NTM: variants seen among roughly 807,000 people sequenced by gnomAD.
NTM encodes neurotrimin, also known as IgLON family member 2.
A neutral mutation model predicts 42.1 loss-of-function variants in NTM; 13 were observed. That is an observed-to-expected ratio of 0.31 (90% CI 0.20 to 0.49). NTM has a LOEUF of 0.49. Ranked by LOEUF, NTM falls within the 20% of genes least tolerant of loss-of-function variation. The pLI is 0.99. For synonymous variants in NTM, 187 were observed against 179.2 expected, an observed-to-expected ratio of 1.04 and a Z score of -0.35; for missense variants, 373 against 452.8, an observed-to-expected ratio of 0.82 and a Z score of 1.60.
intron 1 of NTM, among the ~76,000 whole-genome samples, chr11:131,503,979 G>A (rs1291534760): frequency 6.6e-6 from 1 of 152,150 alleles, no homozygotes; most frequent in Non-Finnish European, 1.5e-5. Context: ...TTAAGGCCAG[G>A]CGGGTCAGAG....
intron 3 of NTM, among the ~76,000 whole-genome samples, chr11:132,211,318 T>G (rs2082794952): frequency 6.6e-6 from 1 of 152,188 alleles, no homozygotes; most frequent in South Asian, 2.1e-4. Context: ...TGGGATTGTT[T>G]GAGCATGGGA....
chr11:132,334,675 C>T (rs2095855579), intron 8 of NTM, among the ~76,000 whole-genome samples: 1 of 152,064 alleles, frequency 6.6e-6, no homozygotes, highest in African/African-American at 2.4e-5. Context: ...TGATGAGGCA[C>T]TCAGCACAGT....
rs1222872512 is a variant in NTM at position 132,336,079 on chromosome 11, A to G, written c.*933A>G. On this transcript the variant is annotated 3_prime_UTR_variant, in exon 9 of 9. Transcript: ENST00000683400. ...TCTGACATCTCTTGCAGACAATACT[A>G]TGCTCTCTACACACTGTTTAGAAAT... is the stretch of plus-strand genomic sequence containing the variant. 1.3e-5 allele frequency: 2 copies of G among 152,506 alleles called. No homozygotes were observed. The highest frequency in any genetic ancestry group is 1.9e-4 in the East Asian group (1 of 5,194). The allele number at this position is 152,506 out of a possible 1,614,324, so 9.4% of individuals were successfully genotyped here. A position where few individuals can be genotyped will look rare whatever the true frequency, so the allele number is the denominator to read the frequency against.
intron 2 of NTM, among the ~76,000 whole-genome samples, chr11:132,079,119 A>G (rs191068236): frequency 6.6e-6 from 1 of 152,312 alleles, no homozygotes; most frequent in African/African-American, 2.4e-5. Flanking sequence ...CAGAACCAGC[A>G]AACCTTAGAC....
intron 1 of NTM, among the ~76,000 whole-genome samples, chr11:131,843,872 T>A (rs770868227): frequency 3.3e-5 from 5 of 151,958 alleles, no homozygotes; most frequent in Admixed American, 6.6e-5. Context: ...GTTTCTCTTA[T>A]TGGTTGGTTG....
chr11:131,912,181 G>A (rs561490837), intron 2 of NTM, among the ~76,000 whole-genome samples: 5 of 152,302 alleles, frequency 3.3e-5, no homozygotes, highest in Admixed American at 2.0e-4. Flanking sequence ...CCTTCATGCC[G>A]TGAGCTGGTG....
chr11:131,916,057 G>T (rs2056300733), intron 2 of NTM, among the ~76,000 whole-genome samples: 1 of 152,190 alleles, frequency 6.6e-6, no homozygotes, highest in Admixed American at 6.5e-5. Flanking sequence ...GGACAAAGAG[G>T]TCATGGACCT....
chr11:131,942,951 A>C (rs1158598140), intron 2 of NTM, among the ~76,000 whole-genome samples: 1 of 145,398 alleles, frequency 6.9e-6, no homozygotes, highest in Non-Finnish European at 1.5e-5. Context: ...GTCTCAAAAA[A>C]AAAAAAAAAT....
chr11:131,849,712 A>C (rs2045300466), intron 1 of NTM, among the ~76,000 whole-genome samples: 1 of 151,632 alleles, frequency 6.6e-6, no homozygotes, highest in Non-Finnish European at 1.5e-5. Context: ...ATTATTGTGC[A>C]ACATTTCAGA....
intron 4 of NTM, among the ~76,000 whole-genome samples, chr11:132,258,621 G>A (rs192983089): frequency 1.3e-5 from 2 of 152,170 alleles, no homozygotes; most frequent in Non-Finnish European, 1.5e-5. Flanking sequence ...TATAACTTTA[G>A]CCGTCTTTTG....
At chr11:131,520,191 G>C (rs1211649965) in intron 1 of NTM, among the ~76,000 whole-genome samples, 2 of 152,060 alleles carry the variant, frequency 1.3e-5, no homozygotes, top group East Asian at 3.9e-4. Context: ...GGCAAAGAAG[G>C]GACTTCCAAA....
chr11:131,931,056 G>A (rs552914785), intron 2 of NTM, among the ~76,000 whole-genome samples: 6 of 152,260 alleles, frequency 3.9e-5, no homozygotes, highest in Non-Finnish European at 5.9e-5. Flanking sequence ...CTGCGTAGTG[G>A]AATTGCGAGT....
chr11:132,212,210 A>C (rs1298618739), intron 4 of NTM, 63 bp downstream of exon 4: 1 of 1,441,434 alleles, frequency 6.9e-7, no homozygotes, highest in Non-Finnish European at 9.6e-7. Flanking sequence ...GGCCTTTGGT[A>C]GGAGGTTATG....
chr11:131,439,263 A>T (rs1949403719), intron 1 of NTM, among the ~76,000 whole-genome samples: 2 of 152,198 alleles, frequency 1.3e-5, no homozygotes, highest in Admixed American at 1.3e-4. Flanking sequence ...CTCGGGGGTC[A>T]GGGACTCACT....
At chr11:132,330,671 A>G (rs1463730195) in intron 8 of NTM, among the ~76,000 whole-genome samples, 1 of 152,158 alleles carries the variant, frequency 6.6e-6, no homozygotes, top group Non-Finnish European at 1.5e-5. Context: ...AATAAAATGC[A>G]TCTTATTTGA....
At chr11:131,634,440 A>G (rs2064114065) in intron 1 of NTM, among the ~76,000 whole-genome samples, 2 of 152,092 alleles carry the variant, frequency 1.3e-5, no homozygotes, top group South Asian at 2.1e-4. Flanking sequence ...GTCTCTCTGC[A>G]TAATACAGTA....
At chr11:132,029,949 T>C (rs1593906020) in intron 2 of NTM, among the ~76,000 whole-genome samples, 3 of 152,340 alleles carry the variant, frequency 2.0e-5, no homozygotes, top group Non-Finnish European at 4.4e-5. Flanking sequence ...ATTTGTCATA[T>C]AACTAAGCTA....
At chr11:131,841,763 G>C (rs912205985) in intron 1 of NTM, among the ~76,000 whole-genome samples, 4 of 152,182 alleles carry the variant, frequency 2.6e-5, no homozygotes, top group African/African-American at 7.2e-5. Context: ...CCTGAGCTGA[G>C]TGAAGGGTGA....
At chr11:131,864,658 A>G (rs1317907104) in intron 1 of NTM, among the ~76,000 whole-genome samples, 3 of 152,184 alleles carry the variant, frequency 2.0e-5, no homozygotes, top group Non-Finnish European at 4.4e-5. Flanking sequence ...GTTAGCATTG[A>G]GGGAATGTTC....
Sources: gnomAD v4.1 joint callset for allele counts (sites outside exome capture counted in the v4.1 genomes callset) on GRCh38, gnomAD v4.1.1 for gene constraint, MANE v1.5 for transcripts, NCBI Gene and HGNC (gene_info 2026-07-23, HGNC 2026-07-21) for gene names.